Variants in TMEM128 observed in about 807,000 individuals in gnomAD.
TMEM128 encodes the protein transmembrane protein 128.
TMEM128 carries 16 observed loss-of-function variants against 19.7 expected under a neutral mutation model. The ratio of observed to expected loss-of-function variants is 0.81; its 90% CI spans 0.55 to 1.23. The LOEUF (loss-of-function observed/expected upper bound fraction) is 1.23, where lower values mean the gene tolerates loss of function less well. TMEM128 is among the 50% of genes most tolerant of loss of function. The pLI is 0.00. For missense variants in TMEM128, 237 were observed against 200.8 expected, an observed-to-expected ratio of 1.18 and a Z score of -1.09; for synonymous variants, 98 against 75.8, an observed-to-expected ratio of 1.29 and a Z score of -1.52.
intron 2 of TMEM128, among the ~76,000 whole-genome samples, chr4:4,245,332 T>C (rs3846232): frequency 0.31 from 46,869 of 152,002 alleles, 7,830 homozygotes; most frequent in East Asian, 0.44. Context: ...ACTGGACATC[T>C]GGTCTGGCCA....
At chr4:4,240,510 C>T (rs145069843) in intron 2 of TMEM128, 31 bp from the exon 3 acceptor site, 1 of 1,599,732 alleles carries the variant, frequency 6.3e-7, no homozygotes. Context: ...AGAGGTCTGA[C>T]AGCACTTAAT....
At chr4:4,247,062 C>G (rs1718210462) in intron 1 of TMEM128, among the ~76,000 whole-genome samples, 1 of 152,162 alleles carries the variant, frequency 6.6e-6, no homozygotes, top group East Asian at 1.9e-4. Context: ...CCCTGCCCAG[C>G]CTATAACTAA....
intron 1 of TMEM128, 48 bp from the exon 2 acceptor site, chr4:4,246,391 A>C: frequency 6.4e-7 from 1 of 1,562,660 alleles, no homozygotes. Flanking sequence ...CAATTTTGCG[A>C]GGAAAAATTA....
In TMEM128 at chr4:4,248,119, A is replaced by G. The variant is rs1426999285; in HGVS notation, c.84T>C (p.Gly28=). Reference sequence around the variant, plus strand: ...TGCGCGCCTCACCCGGCCCGGCGTCACCCTCGCGGTCCAGCTGGGCCTCGG... The same window carrying G: ...TGCGCGCCTCACCCGGCCCGGCGTCGCCCTCGCGGTCCAGCTGGGCCTCGG... ...PDAEAQLDRE[G]DAGPETSTAV... Residue 28 remains glycine, a synonymous_variant, in exon 1 of 5, where the codon GGT becomes GGC. Coordinates refer to ENST00000382753, the MANE Select transcript of TMEM128 (RefSeq NM_001297551.2). 6.5e-7 allele frequency: 1 copy of G among 1,536,212 alleles called. No individual in the cohort carries two copies. The highest frequency in any genetic ancestry group is 8.7e-7 in the Non-Finnish European group (1 of 1,144,106).
chr4:4,239,160 A>G (rs2108815606), intron 3 of TMEM128, among the ~76,000 whole-genome samples: 1 of 152,352 alleles, frequency 6.6e-6, no homozygotes, highest in East Asian at 1.9e-4. Flanking sequence ...GTTTTCATGT[A>G]ATTTACAGAT....
chr4:4,245,814 G>T (rs139763367), intron 2 of TMEM128, among the ~76,000 whole-genome samples: 1,669 of 151,162 alleles, frequency 0.011, 25 homozygotes, highest in African/African-American at 0.039. Context: ...ATATATATAC[G>T]TGTATACATA....
chr4:4,241,253 T>G (rs749869827), intron 2 of TMEM128, among the ~76,000 whole-genome samples: 4 of 152,200 alleles, frequency 2.6e-5, no homozygotes, highest in African/African-American at 4.8e-5. Flanking sequence ...GGAAGATCAA[T>G]AATTCAAATT....
At chr4:4,244,622 A>G (rs1171674717) in intron 2 of TMEM128, among the ~76,000 whole-genome samples, 1 of 151,804 alleles carries the variant, frequency 6.6e-6, no homozygotes, top group African/African-American at 2.4e-5. Flanking sequence ...AGTGATGACA[A>G]AGCACTTCCT....
chr4:4,243,760 G>A (rs546008162), intron 2 of TMEM128, among the ~76,000 whole-genome samples: 6 of 152,230 alleles, frequency 3.9e-5, no homozygotes, highest in East Asian at 3.9e-4. Context: ...CAGTGTCTGC[G>A]TCCCGGCTTT....
intron 1 of TMEM128, chr4:4,247,732 G>GC: frequency 6.3e-7 from 1 of 1,583,290 alleles, no homozygotes; most frequent in Admixed American, 1.8e-5. Flanking sequence ...ACAGCTTTCT[G>GC]CTGACGGGCA....
chr4:4,239,406 TC>T (rs145487408), intron 3 of TMEM128, among the ~76,000 whole-genome samples: 40,723 of 151,942 alleles, frequency 0.27, 6,529 homozygotes, highest in Non-Finnish European at 0.36. Flanking sequence ...TATGGAAGAA[TC>T]CCAAACTATA....
intron 2 of TMEM128, among the ~76,000 whole-genome samples, chr4:4,241,507 A>T (rs1219378429): frequency 6.6e-6 from 1 of 152,218 alleles, no homozygotes; most frequent in Non-Finnish European, 1.5e-5. Context: ...CTCTATGGGA[A>T]AAGCCTGACA....
At chr4:4,243,952 G>A (rs1190040746) in intron 2 of TMEM128, among the ~76,000 whole-genome samples, 1 of 152,174 alleles carries the variant, frequency 6.6e-6, no homozygotes, top group East Asian at 1.9e-4. Context: ...CAGTCCTGAG[G>A]CTGACCTGGA....
At chr4:4,238,324 A>G (rs1402788751) in intron 3 of TMEM128, among the ~76,000 whole-genome samples, 1 of 152,240 alleles carries the variant, frequency 6.6e-6, no homozygotes, top group Non-Finnish European at 1.5e-5. Flanking sequence ...TAAAAACAGA[A>G]TGAAAACAGT....
chr4:4,248,084 G>A (rs1413438084), intron 1 of TMEM128, 22 bp downstream of exon 1: 1 of 1,535,218 alleles, frequency 6.5e-7, no homozygotes, highest in Non-Finnish European at 8.7e-7. Flanking sequence ...AGAACCTCGG[G>A]GCGGCTTGGT....
intron 1 of TMEM128, 41 bp downstream of exon 1, chr4:4,248,065 T>G (rs1185753551): frequency 6.5e-7 from 1 of 1,532,868 alleles, no homozygotes. Flanking sequence ...TTCCGACGCC[T>G]CGCCTCTGAG....
intron 2 of TMEM128, among the ~76,000 whole-genome samples, chr4:4,242,312 C>T (rs111695132): frequency 6.6e-6 from 1 of 151,836 alleles, no homozygotes; most frequent in African/African-American, 2.4e-5. Context: ...GGGGGAGTAT[C>T]GCCCCCAAAG....
At position 4,236,223 on chromosome 4, in the gene TMEM128, A is replaced by T. The variant is rs1051759905; in HGVS notation, c.*43T>A. ...GAGGATCACTTGATCCCAGGAGTTC[A>T]AAGACAGCCTGGGCAACATAGAAGA... is the stretch of plus-strand genomic sequence containing the variant. On this transcript the variant is annotated 3_prime_UTR_variant, in exon 5 of 5. Coordinates refer to ENST00000382753, the MANE Select transcript of TMEM128 (RefSeq NM_001297551.2). The T allele has an allele frequency of 6.6e-6, 1 of 151,412 alleles. No individual in the cohort carries two copies. The highest frequency in any genetic ancestry group is 2.4e-5 in the African/African-American group (1 of 41,118). 9.4% of individuals were successfully genotyped at this position (151,412 alleles called of 1,614,324 possible).
At chr4:4,245,161 G>C (rs970571718) in intron 2 of TMEM128, among the ~76,000 whole-genome samples, 12 of 152,110 alleles carry the variant, frequency 7.9e-5, no homozygotes, top group African/African-American at 2.7e-4. Flanking sequence ...CCAATGCCAT[G>C]ATGCTCACCA....
Sources: allele counts gnomAD v4.1 joint callset (sites outside exome capture counted in the v4.1 genomes callset), GRCh38; gene constraint gnomAD v4.1.1; transcripts MANE v1.5; gene names NCBI Gene and HGNC (gene_info 2026-07-23, HGNC 2026-07-21).